Variants in KCNJ6 observed in about 807,000 individuals in gnomAD.
The protein encoded by KCNJ6 is potassium inwardly rectifying channel subfamily J member 6.
In KCNJ6, 9 loss-of-function variants were observed where a neutral mutation model predicts 34.2. The observed-to-expected ratio is 0.26, with a 90% CI of 0.16 to 0.46. KCNJ6 has a LOEUF of 0.46. KCNJ6 is among the 20% of genes least tolerant of loss of function. KCNJ6 has a pLI of 1.00. For missense variants in KCNJ6, 236 were observed against 531.3 expected (o/e 0.44, Z 5.46); for synonymous variants, 196 against 207.1 (o/e 0.95, Z 0.46).
rs78816749 is a variant in KCNJ6 at position 37,884,479 on chromosome 21, T to C, written c.-28+31405A>G. Among the ~76,000 whole-genome samples, 758 of 152,240 alleles carry C rather than the reference T, an allele frequency of 5.0e-3. 17 individuals carry two copies. The East Asian group carries it at 0.057, about 11-fold the overall frequency. Reference sequence around the variant, plus strand: ...GGAGCATCATCTCTCTGCCCGCATCTGTAGTCTTTTAAAAACTGCTACTCC... The same window carrying C: ...GGAGCATCATCTCTCTGCCCGCATCCGTAGTCTTTTAAAAACTGCTACTCC... On this transcript the variant is annotated intron_variant, in intron 1 of 3. Coordinates refer to ENST00000609713, the MANE Select transcript of KCNJ6 (RefSeq NM_002240.5).
intron 3 of KCNJ6, among the ~76,000 whole-genome samples, chr21:37,650,316 T>A (rs1465153625): frequency 2.6e-5 from 4 of 152,226 alleles, no homozygotes; most frequent in Non-Finnish European, 4.4e-5. Flanking sequence ...GTCCGAGTTC[T>A]GCCTCTCACT....
At chr21:37,713,601 C>T (rs139414650) in intron 3 of KCNJ6, among the ~76,000 whole-genome samples, 26 of 152,268 alleles carry the variant, frequency 1.7e-4, no homozygotes, top group Non-Finnish European at 3.4e-4. Flanking sequence ...GCAGGAGGGC[C>T]GGCGGGATTA....
intron 1 of KCNJ6, among the ~76,000 whole-genome samples, chr21:37,914,912 TG>T (rs1309501199): frequency 0.021 from 2,618 of 122,752 alleles, 74 homozygotes; most frequent in African/African-American, 0.11. Context: ...ACTGGAGTTG[TG>T]GGGTTTTTTT....
chr21:37,628,120 A>G (rs1375123215), intron 3 of KCNJ6, among the ~76,000 whole-genome samples: 1 of 152,208 alleles, frequency 6.6e-6, no homozygotes, highest in Non-Finnish European at 1.5e-5. Flanking sequence ...TTCAACAAAA[A>G]TTTATGACAC....
chr21:37,630,134 CTG>C (rs10527592), intron 3 of KCNJ6, among the ~76,000 whole-genome samples: 20 of 144,164 alleles, frequency 1.4e-4, no homozygotes, highest in Non-Finnish European at 1.2e-4. Flanking sequence ...GATGACATCT[CTG>C]TGTGTGTGTG....
At chr21:37,842,120 T>C (rs1278726946) in intron 1 of KCNJ6, among the ~76,000 whole-genome samples, 1 of 152,226 alleles carries the variant, frequency 6.6e-6, no homozygotes. Context: ...CAACATTATC[T>C]TGTTATTTTA....
intron 1 of KCNJ6, among the ~76,000 whole-genome samples, chr21:37,892,111 A>G (rs1342186634): frequency 6.6e-6 from 1 of 152,174 alleles, no homozygotes; most frequent in African/African-American, 2.4e-5. Context: ...ACCATGTGGG[A>G]GCTTTTGAAA....
At chr21:37,817,142 A>AC (rs1396966702) in intron 2 of KCNJ6, among the ~76,000 whole-genome samples, 9 of 152,176 alleles carry the variant, frequency 5.9e-5, no homozygotes, top group Non-Finnish European at 1.5e-5. Context: ...TCAAGGTTAA[A>AC]CCTGGTAATA....
chr21:37,683,855 G>A (rs2054601158), intron 3 of KCNJ6, among the ~76,000 whole-genome samples: 1 of 152,262 alleles, frequency 6.6e-6, no homozygotes, highest in African/African-American at 2.4e-5. Context: ...CTTCTGCAGC[G>A]GGGGTGAGCT....
intron 2 of KCNJ6, among the ~76,000 whole-genome samples, chr21:37,718,657 T>G (rs1454875068): frequency 2.0e-5 from 3 of 146,682 alleles, no homozygotes; most frequent in Non-Finnish European, 4.5e-5. Flanking sequence ...CACACACCGG[T>G]GCCTGTTAGG....
chr21:37,655,998 TG>T (rs929929356), intron 3 of KCNJ6, among the ~76,000 whole-genome samples: 6 of 152,100 alleles, frequency 3.9e-5, no homozygotes, highest in African/African-American at 1.2e-4. Context: ...CCATGGCCCA[TG>T]GGGGGGCCTT....
chr21:37,883,295 T>C (rs1443128060), intron 1 of KCNJ6, among the ~76,000 whole-genome samples: 4 of 152,206 alleles, frequency 2.6e-5, no homozygotes, highest in Admixed American at 1.3e-4. Flanking sequence ...TCTGTAATAG[T>C]TTTATTTTCT....
chr21:37,719,983 T>C (rs2054816015), intron 2 of KCNJ6, among the ~76,000 whole-genome samples: 1 of 152,110 alleles, frequency 6.6e-6, no homozygotes, highest in Admixed American at 6.5e-5. Context: ...ACTTTGAGAC[T>C]TTTTAATGTC....
At chr21:37,906,379 G>A (rs544460184) in intron 1 of KCNJ6, among the ~76,000 whole-genome samples, 4 of 152,244 alleles carry the variant, frequency 2.6e-5, no homozygotes, top group South Asian at 4.2e-4. Flanking sequence ...GGTCTCTATC[G>A]TGGGAAGAAG....
At chr21:37,870,353 A>G (rs2055644963) in intron 1 of KCNJ6, among the ~76,000 whole-genome samples, 1 of 152,088 alleles carries the variant, frequency 6.6e-6, no homozygotes, top group Non-Finnish European at 1.5e-5. Context: ...AGATCGCAGG[A>G]GTGGAACAGA....
Position 37,609,282 on chromosome 21 carries a change from A to C in KCNJ6, c.*15877T>G, listed in dbSNP as rs1328506976. ...CTTTCTTTGCTTAACTAGTTCTTGA[A>C]AATTCTGTGTGATGGTGAGAATAAG... is the stretch of plus-strand genomic sequence containing the variant. On this transcript the variant is annotated 3_prime_UTR_variant, in exon 4 of 4. Transcript: ENST00000609713. The C allele has an allele frequency of 6.6e-6, 1 of 152,128 alleles. No individual in the cohort carries two copies. The highest frequency in any genetic ancestry group is 1.9e-4 in the East Asian group (1 of 5,202). 9.4% of individuals were successfully genotyped at this position (152,128 alleles called of 1,614,324 possible). A position where few individuals can be genotyped will look rare whatever the true frequency, so the allele number is the denominator to read the frequency against.
chr21:37,716,439 G>C (rs1353816318), intron 2 of KCNJ6, among the ~76,000 whole-genome samples: 1 of 150,804 alleles, frequency 6.6e-6, no homozygotes, highest in African/African-American at 2.4e-5. Flanking sequence ...GAGTATAGTG[G>C]CACCATCATA....
intron 1 of KCNJ6, among the ~76,000 whole-genome samples, chr21:37,852,984 T>C (rs778039128): frequency 4.0e-5 from 6 of 151,262 alleles, no homozygotes; most frequent in Non-Finnish European, 5.9e-5. Context: ...ATCTGGACAC[T>C]AGAGAGAAAA....
Position 37,786,334 on chromosome 21 carries a change from G to A in KCNJ6, c.25+54324C>T, listed in dbSNP as rs553026217. 2.0e-5 allele frequency among the ~76,000 whole-genome samples: 3 copies of A among 152,288 alleles called. No homozygotes were observed. The East Asian group carries it at 5.8e-4, about 29-fold the overall frequency. ...AACTCAGGTGGACCAAGTGACAGAGGTTGGCACTTGAACCCCATGTGCTTC... is the reference window on the plus strand; with the variant it reads ...AACTCAGGTGGACCAAGTGACAGAGATTGGCACTTGAACCCCATGTGCTTC... On this transcript the variant is annotated intron_variant, in intron 2 of 3. Transcript: ENST00000609713.
Sources: allele counts gnomAD v4.1 joint callset (sites outside exome capture counted in the v4.1 genomes callset), GRCh38; gene constraint gnomAD v4.1.1; transcripts MANE v1.5; gene names NCBI Gene and HGNC (gene_info 2026-07-23, HGNC 2026-07-21).